The following CARS1 variants were observed in gnomAD, a reference collection of about 807,000 sequenced individuals.
CARS1 encodes cysteinyl-tRNA synthetase 1, also known as cysteine--tRNA ligase, cytoplasmic.
A neutral mutation model predicts 106.2 loss-of-function variants in CARS1; 48 were observed. The ratio of observed to expected loss-of-function variants is 0.45; its 90% confidence interval spans 0.36 to 0.57. CARS1 has a LOEUF of 0.57. Ranked by LOEUF, CARS1 falls within the 20% of genes least tolerant of loss-of-function variation. CARS1 has a pLI of 0.00. For synonymous variants in CARS1, 409 were observed against 403.4 expected (o/e 1.01, Z -0.17); for missense variants, 968 against 1,057.2 (o/e 0.92, Z 1.17).
At chr11:3,002,507 A>G (rs779689062) in intron 21 of CARS1, 34 bp downstream of exon 21, 23 of 1,612,628 alleles carry the variant, frequency 1.4e-5, no homozygotes, top group Non-Finnish European at 2.0e-5. Flanking sequence ...ACTCCTGCCC[A>G]GTAGAGCCCT....
At chr11:3,026,260 T>C (rs1473309750) in intron 10 of CARS1, among the ~76,000 whole-genome samples, 3 of 152,114 alleles carry the variant, frequency 2.0e-5, no homozygotes, top group African/African-American at 7.2e-5. Context: ...ACAGAAAGAA[T>C]AGGTTCTTGT....
chr11:3,015,725 G>T, intron 17 of CARS1, 56 bp downstream of exon 17: 1 of 1,452,466 alleles, frequency 6.9e-7, no homozygotes. Flanking sequence ...GGACACAGAG[G>T]GGTAGGGAGT....
intron 1 of CARS1, among the ~76,000 whole-genome samples, chr11:3,051,676 AT>A (rs1855709398): frequency 6.6e-6 from 1 of 152,194 alleles, no homozygotes; most frequent in Non-Finnish European, 1.5e-5. Context: ...TTCACTAAAG[AT>A]TAGAGAACTT....
At position 3,045,271 on chromosome 11, in the gene CARS1, A is replaced by AC. The variant is rs1280412945; in HGVS notation, c.274+2481dup. Reference sequence around the variant, plus strand: ...AAGCAGAGCCTTTCCATTATCTCCAACCCCCCACCCCGAGACGGAGTCTCG... The same window carrying AC: ...AAGCAGAGCCTTTCCATTATCTCCAACCCCCCCACCCCGAGACGGAGTCTCG... On this transcript the variant is annotated intron_variant, in intron 2 of 22. Transcript: ENST00000380525. The surrounding 1 kb of genome is among the most constrained non-coding windows in gnomAD (Gnocchi z 5.6). Among the ~76,000 whole-genome samples the AC allele has an allele frequency of 1.3e-5, 2 of 151,336 alleles. No homozygotes were observed. The highest frequency in any genetic ancestry group is 2.4e-5 in the African/African-American group (1 of 41,140).
In CARS1 at chr11:3,041,165, AC is replaced by A. The variant is rs1006617997; in HGVS notation, c.367-182del. The A allele has an allele frequency of 1.1e-6, 1 of 871,290 alleles. No individual in the cohort carries two copies. The highest frequency in any genetic ancestry group is 1.7e-5 in the African/African-American group (1 of 57,638). The allele number at this position is 871,290 out of a possible 1,614,324, so 54.0% of individuals were successfully genotyped here. Reference sequence around the variant, plus strand: ...GTGGGAGCCCAGTGAGATGTACGGCACCTCCCACCAACTGAGCCCTGGGTGG... The same window carrying A: ...GTGGGAGCCCAGTGAGATGTACGGCACTCCCACCAACTGAGCCCTGGGTGG... On this transcript the variant is annotated intron_variant, in intron 3 of 22. Transcript: ENST00000380525. This position sits in a 1 kb window ranked among gnomAD's most constrained non-coding sequence, Gnocchi z 4.9.
intron 2 of CARS1, among the ~76,000 whole-genome samples, chr11:3,047,145 T>C (rs1358055630): frequency 2.0e-5 from 3 of 151,608 alleles, no homozygotes; most frequent in African/African-American, 7.3e-5. Context: ...GGCATGGTGG[T>C]GGGCGCCTAC....
Position 3,002,139 on chromosome 11 carries a change from C to A in CARS1, c.2278-86G>T, listed in dbSNP as rs149886028. On this transcript the variant is annotated intron_variant, in intron 21 of 22. Transcript: ENST00000380525. ...GAACGACATCTGCTCATACCTCCAG[C>A]CCTCAACTTGCTTCCAAGCCCTCAG... The A allele has an allele frequency of 3.1e-3, 2,860 of 908,286 alleles. 6 individuals carry two copies. Among genetic ancestry groups the A allele is most frequent in the Non-Finnish European group, 4.2e-3 (2,344 of 552,676 alleles). The allele number at this position is 908,286 out of a possible 1,614,324, so 56.3% of individuals were successfully genotyped here. A position where few individuals can be genotyped will look rare whatever the true frequency, so the allele number is the denominator to read the frequency against.
At chr11:3,055,051 G>T (rs1388236943) in intron 1 of CARS1, 6 of 685,632 alleles carry the variant, frequency 8.8e-6, no homozygotes, top group Admixed American at 4.5e-5. Context: ...TGTACACCCA[G>T]TGAGATCAGG....
chr11:3,006,013 G>A (rs1457862142), intron 19 of CARS1, among the ~76,000 whole-genome samples: 1 of 152,316 alleles, frequency 6.6e-6, no homozygotes, highest in East Asian at 1.9e-4. Flanking sequence ...GAGTGGAAGA[G>A]TGGAATTGGA....
chr11:3,016,259 C>T (rs1231397371), intron 16 of CARS1, among the ~76,000 whole-genome samples: 5 of 148,062 alleles, frequency 3.4e-5, no homozygotes, highest in African/African-American at 7.5e-5. Flanking sequence ...CTCACTCTGT[C>T]GCCCAGGCTG....
At chr11:3,005,529 C>A (rs932314833) in intron 19 of CARS1, 96 bp from the exon 20 acceptor site, 5 of 873,638 alleles carry the variant, frequency 5.7e-6, no homozygotes, top group East Asian at 2.5e-5. Flanking sequence ...CCAGACCATG[C>A]GGTGCTGCCC....
chr11:3,035,243 G>T lies in CARS1; in HGVS notation c.801+2807C>A, dbSNP rs116404030. On this transcript the variant is annotated intron_variant, in intron 7 of 22. Transcript: ENST00000380525. ...GAATGATACAAAACAGTAAGAAAAG[G>T]ACCAATAACCTCATGGGAAAGGGGG... is the stretch of plus-strand genomic sequence containing the variant. Among the ~76,000 whole-genome samples the T allele has an allele frequency of 6.6e-3, 1,006 of 152,108 alleles. 10 individuals are homozygous for T. Among genetic ancestry groups the T allele is most frequent in the African/African-American group, 0.022 (915 of 41,478 alleles).
chr11:3,017,636 TCC>T lies in CARS1; in HGVS notation c.1727+219_1727+220del. ...CCAGCCTGGGCAACAAGGGCGAAAC[TCC>T]GTCTCAAAAAGAAAAAACAAAAAAG... On this transcript the variant is annotated intron_variant, in intron 15 of 22. Transcript: ENST00000380525. This position sits in a 1 kb window ranked among gnomAD's most constrained non-coding sequence, Gnocchi z 4.9. The T allele has an allele frequency of 5.3e-6, 3 of 569,560 alleles. No individual in the cohort carries two copies. The highest frequency in any genetic ancestry group is 5.8e-5 in the East Asian group (2 of 34,626). 35.3% of individuals were successfully genotyped at this position (569,560 alleles called of 1,614,324 possible). A position where few individuals can be genotyped will look rare whatever the true frequency, so the allele number is the denominator to read the frequency against.
chr11:3,037,739 G>A lies in CARS1; in HGVS notation c.801+311C>T, dbSNP rs1454069945. On this transcript the variant is annotated intron_variant, in intron 7 of 22. Coordinates refer to ENST00000380525, the MANE Select transcript of CARS1 (RefSeq NM_001014437.3). The surrounding 1 kb of genome is among the most constrained non-coding windows in gnomAD (Gnocchi z 5.9). ...TGGAGAATCTTGGAACACTTCGACA[G>A]AAGGCTGCCTCCCCACGTTCCAAGT... is the stretch of plus-strand genomic sequence containing the variant. 1.3e-5 allele frequency among the ~76,000 whole-genome samples: 2 copies of A among 152,200 alleles called. No individual in the cohort carries two copies. The highest frequency in any genetic ancestry group is 2.9e-5 in the Non-Finnish European group (2 of 68,030).
In CARS1 at chr11:3,039,359, C is replaced by T. The variant is rs1854118539; in HGVS notation, c.553-67G>A. On this transcript the variant is annotated intron_variant, in intron 5 of 22. Transcript: ENST00000380525. The surrounding 1 kb of genome is among the most constrained non-coding windows in gnomAD (Gnocchi z 5.6). ...CCACATGCATCCCTCTGCAGCAGGCCACTCTCTCCCTTGGCCAACTCTAAG... is the reference window on the plus strand; with the variant it reads ...CCACATGCATCCCTCTGCAGCAGGCTACTCTCTCCCTTGGCCAACTCTAAG... 13 of 1,005,102 alleles carry T rather than the reference C, an allele frequency of 1.3e-5. No homozygotes were observed. In the Admixed American group the frequency reaches 2.1e-4, roughly 16 times the overall value. 62.3% of individuals were successfully genotyped at this position (1,005,102 alleles called of 1,614,324 possible).
rs753607719 is a variant in CARS1, at chr11:3,047,885, C to T, written c.142G>A (p.Val48Met). 38 of 1,613,994 alleles carry T rather than the reference C, an allele frequency of 2.4e-5. No homozygotes were observed. The highest frequency in any genetic ancestry group is 6.7e-5 in the East Asian group (3 of 44,890). ...GCCGAGAGCTGCCTGAACGCGTCCACGTCTGCCTGGGACAGTGAGTACCCC... is the reference window on the plus strand; with the variant it reads ...GCCGAGAGCTGCCTGAACGCGTCCATGTCTGCCTGGGACAGTGAGTACCCC... Reference protein sequence around the residue: ...VQGYSLSQADVDAFRQLSAPP... With the variant: ...VQGYSLSQADMDAFRQLSAPP... Residue 48 changes from valine (V) to methionine (M), a missense_variant, in exon 2 of 23, where the codon GTG becomes ATG. Val to Met is a conservative substitution (Grantham distance 21). Transcript: ENST00000380525.
rs1297852350 is a variant in CARS1, at chr11:3,021,893, T to C, written c.1154-1561A>G. Among the ~76,000 whole-genome samples, 1 of 152,240 alleles carries C rather than the reference T, an allele frequency of 6.6e-6. No homozygotes were observed. Among genetic ancestry groups the C allele is most frequent in the African/African-American group, 2.4e-5 (1 of 41,462 alleles). ...TTTAGATGCTCTTTGATAGAAAATA[T>C]ACATTCACGTTTTCAACTTTTCATT... On this transcript the variant is annotated intron_variant, in intron 10 of 22. Transcript: ENST00000380525. This position sits in a 1 kb window ranked among gnomAD's most constrained non-coding sequence, Gnocchi z 5.3.
At position 3,022,208 on chromosome 11, in the gene CARS1, T is replaced by A. The variant is rs1207741354; in HGVS notation, c.1154-1876A>T. ...TCCACCACTGTTCCTAGCGATAGAA[T>A]CTCTAACCCTGGACCTTTTTACCAA... On this transcript the variant is annotated intron_variant, in intron 10 of 22. Coordinates refer to ENST00000380525, the MANE Select transcript of CARS1 (RefSeq NM_001014437.3). This position sits in a 1 kb window ranked among gnomAD's most constrained non-coding sequence, Gnocchi z 4.9. Among the ~76,000 whole-genome samples, 6 of 152,176 alleles carry A rather than the reference T, an allele frequency of 3.9e-5. No homozygotes were observed. Among genetic ancestry groups the A allele is most frequent in the African/African-American group, 1.4e-4 (6 of 41,456 alleles).
chr11:3,001,226 T>A lies in CARS1; in HGVS notation c.2384A>T (p.Glu795Val), dbSNP rs139920420. The A allele has an allele frequency of 3.0e-4, 488 of 1,613,928 alleles. 2 individuals are homozygous for A. In the East Asian group the frequency reaches 8.0e-3, roughly 26 times the overall value. The change falls in exon 23 of 23, where the codon GAG becomes GTG. Residue 795 changes from glutamate to valine, a missense_variant. Transcript: ENST00000380525. ...DENGLPTHDM[E>V]GKELSKGQAK... ...TTGCCCTTTGCTGAGCTCTTTGCCCTCCATGTCATGTGTGGGCAGACCCTG... is the reference window on the plus strand; with the variant it reads ...TTGCCCTTTGCTGAGCTCTTTGCCCACCATGTCATGTGTGGGCAGACCCTG...
Sources: gnomAD v4.1 joint callset for allele counts (sites outside exome capture counted in the v4.1 genomes callset) on GRCh38, gnomAD v4.1.1 for gene constraint, Gnocchi (gnomAD v3.1) non-coding constraint, MANE v1.5 for transcripts, NCBI Gene and HGNC (gene_info 2026-07-23, HGNC 2026-07-21) for gene names.